The following AKAP19 variants were observed in gnomAD, a reference collection of about 807,000 sequenced individuals.
AKAP19 encodes A-kinase anchoring protein 19.
the AKAP19 span, among the ~76,000 whole-genome samples, chr2:189,958,328 G>A: frequency 6.6e-6 from 1 of 151,872 alleles, no homozygotes; most frequent in Admixed American, 6.6e-5. Context: ...AAAACTACAA[G>A]TAAACTTAGC....
chr2:190,127,633 T>C, the AKAP19 span, among the ~76,000 whole-genome samples: 1 of 152,206 alleles, frequency 6.6e-6, no homozygotes, highest in South Asian at 2.1e-4. Flanking sequence ...ATGAATAATG[T>C]GTTAATCTAA....
the AKAP19 span, among the ~76,000 whole-genome samples, chr2:189,931,586 G>A: frequency 7.4e-4 from 113 of 152,056 alleles, no homozygotes; most frequent in Admixed American, 1.4e-3. Context: ...GGCTGGTCTC[G>A]AACTCCTGTC....
At chr2:190,104,986 A>G in the AKAP19 span, among the ~76,000 whole-genome samples, 1 of 152,208 alleles carries the variant, frequency 6.6e-6, no homozygotes, top group African/African-American at 2.4e-5. Context: ...ATGAACAAAC[A>G]GCAAATGCTG....
At chr2:190,129,358 T>C in the AKAP19 span, among the ~76,000 whole-genome samples, 3 of 152,202 alleles carry the variant, frequency 2.0e-5, no homozygotes, top group Admixed American at 1.3e-4. Flanking sequence ...ATATAAATGA[T>C]TTTGTGAATA....
chr2:190,081,096 G>T, the AKAP19 span, among the ~76,000 whole-genome samples: 6 of 152,134 alleles, frequency 3.9e-5, no homozygotes, highest in African/African-American at 1.4e-4. Flanking sequence ...CTGCAGAAAG[G>T]AATGGCCCTG....
At chr2:189,946,578 A>C in the AKAP19 span, among the ~76,000 whole-genome samples, 2 of 152,190 alleles carry the variant, frequency 1.3e-5, no homozygotes, top group Admixed American at 1.3e-4. Flanking sequence ...ATTTTTAGAC[A>C]CTTGAACTTC....
At chr2:190,174,374 A>G in the AKAP19 span, among the ~76,000 whole-genome samples, 1 of 152,184 alleles carries the variant, frequency 6.6e-6, no homozygotes, top group Non-Finnish European at 1.5e-5. Flanking sequence ...GCGCAGATTA[A>G]ATACAGTCCC....
chr2:190,166,690 A>G, the AKAP19 span, among the ~76,000 whole-genome samples: 2 of 152,166 alleles, frequency 1.3e-5, no homozygotes, highest in African/African-American at 2.4e-5. Context: ...TACAGATGGA[A>G]AAAAGCATTA....
At chr2:189,920,013 A>G in the AKAP19 span, among the ~76,000 whole-genome samples, 1 of 152,136 alleles carries the variant, frequency 6.6e-6, no homozygotes, top group Non-Finnish European at 1.5e-5. Context: ...TCTATCTTCC[A>G]TGTTATTGTA....
chr2:190,170,331 G>A, the AKAP19 span, among the ~76,000 whole-genome samples: 4 of 152,238 alleles, frequency 2.6e-5, no homozygotes, highest in Non-Finnish European at 5.9e-5. Flanking sequence ...AGACTTACAA[G>A]GCTGAATCCT....
chr2:190,028,051 T>G, the AKAP19 span, among the ~76,000 whole-genome samples: 1 of 152,144 alleles, frequency 6.6e-6, no homozygotes, highest in African/African-American at 2.4e-5. Flanking sequence ...TTTATTATAT[T>G]CTCCTGCTCT....
the AKAP19 span, among the ~76,000 whole-genome samples, chr2:189,945,108 T>A: frequency 6.6e-5 from 10 of 151,938 alleles, 1 homozygote; most frequent in Admixed American, 6.6e-4. Context: ...AAGAGGGAAG[T>A]TTATAACAAT....
chr2:190,057,393 G>A, the AKAP19 span: 1 of 1,613,484 alleles, frequency 6.2e-7, no homozygotes, highest in East Asian at 2.2e-5. Context: ...AACCTCTGGG[G>A]TTTGCTTGGT....
At chr2:190,146,865 G>A in the AKAP19 span, among the ~76,000 whole-genome samples, 1 of 151,944 alleles carries the variant, frequency 6.6e-6, no homozygotes. Flanking sequence ...TTTTCTTACT[G>A]ATTTGTTTGA....
chr2:190,081,600 G>A, the AKAP19 span, among the ~76,000 whole-genome samples: 2 of 152,072 alleles, frequency 1.3e-5, no homozygotes, highest in Admixed American at 6.6e-5. Context: ...CAATTTGCGT[G>A]CCTTTTTTCT....
chr2:190,046,323 T>C, the AKAP19 span, among the ~76,000 whole-genome samples: 1 of 152,146 alleles, frequency 6.6e-6, no homozygotes, highest in Non-Finnish European at 1.5e-5. Flanking sequence ...TAGTCTTACC[T>C]CTGCAGATAA....
chr2:190,106,490 T>A, the AKAP19 span, among the ~76,000 whole-genome samples: 2 of 152,130 alleles, frequency 1.3e-5, no homozygotes, highest in African/African-American at 4.8e-5. Context: ...CTATCCTACC[T>A]CTGGTGACTT....
the AKAP19 span, among the ~76,000 whole-genome samples, chr2:190,074,611 C>T: frequency 6.6e-6 from 1 of 151,184 alleles, no homozygotes; most frequent in Non-Finnish European, 1.5e-5. Flanking sequence ...AGATATCACA[C>T]CACTGCACTC....
the AKAP19 span, among the ~76,000 whole-genome samples, chr2:190,115,597 G>A: frequency 4.6e-5 from 7 of 151,434 alleles, no homozygotes; most frequent in African/African-American, 1.7e-4. Flanking sequence ...GGGATTACAG[G>A]CGTGAGCCAC....
Sources: allele counts gnomAD v4.1 joint callset (sites outside exome capture counted in the v4.1 genomes callset), GRCh38; gene constraint gnomAD v4.1.1; transcripts MANE v1.5; gene names NCBI Gene and HGNC (gene_info 2026-07-23, HGNC 2026-07-21).